Variants in SNTG1 observed in about 807,000 individuals in gnomAD.
The protein encoded by SNTG1 is syntrophin gamma 1, also known as gamma-1-syntrophin.
In SNTG1, 39 loss-of-function variants were observed where a neutral mutation model predicts 74.7. That is an observed-to-expected ratio of 0.52 (90% CI 0.40 to 0.68). The LOEUF (loss-of-function observed/expected upper bound fraction) is 0.68, where lower values mean the gene tolerates loss of function less well. SNTG1 is among the 30% of genes least tolerant of loss of function. The pLI, the probability that SNTG1 is intolerant of heterozygous loss-of-function variation, is 0.00. For synonymous variants in SNTG1, 254 were observed against 217.1 expected, an observed-to-expected ratio of 1.17 and a Z score of -1.49; for missense variants, 685 against 609.5, an observed-to-expected ratio of 1.12 and a Z score of -1.30.
At chr8:50,484,512 A>G (rs2093773437) in intron 8 of SNTG1, among the ~76,000 whole-genome samples, 1 of 151,074 alleles carries the variant, frequency 6.6e-6, no homozygotes, top group African/African-American at 2.4e-5. Flanking sequence ...TCCATGCCCA[A>G]CCTGGATTTT....
chr8:50,222,979 G>A (rs868802400), intron 2 of SNTG1, among the ~76,000 whole-genome samples: 2 of 152,088 alleles, frequency 1.3e-5, no homozygotes, highest in African/African-American at 4.8e-5. Context: ...ATCAGAGAAA[G>A]AATAGTCAAT....
chr8:50,558,831 T>A (rs949161443), intron 12 of SNTG1, among the ~76,000 whole-genome samples: 2 of 152,156 alleles, frequency 1.3e-5, no homozygotes, highest in Non-Finnish European at 2.9e-5. Flanking sequence ...TAAAGAAAAT[T>A]CAACAAAATA....
chr8:50,773,422 A>C (rs2131795886), intron 18 of SNTG1, among the ~76,000 whole-genome samples: 1 of 152,178 alleles, frequency 6.6e-6, no homozygotes, highest in East Asian at 1.9e-4. Flanking sequence ...GTAAAGACTT[A>C]GAAAGAGTTG....
At chr8:49,919,235 A>C (rs952180237) in intron 1 of SNTG1, among the ~76,000 whole-genome samples, 3 of 152,096 alleles carry the variant, frequency 2.0e-5, no homozygotes, top group Non-Finnish European at 4.4e-5. Context: ...CAGTAGATGT[A>C]CTGGGATTGA....
In SNTG1 at chr8:50,124,991, A is replaced by G. The variant is rs111961612; in HGVS notation, c.-102-47570A>G. Among the ~76,000 whole-genome samples the G allele has an allele frequency of 2.5e-3, 355 of 142,160 alleles. 43 individuals carry two copies. The highest frequency in any genetic ancestry group is 8.7e-3 in the African/African-American group (344 of 39,446). The allele number at this position is 142,160 out of a possible 152,430, so 93.3% of individuals were successfully genotyped here. ...GGCATACCCTCTCATAAATGTTACT[A>G]TAAGATAGTTACTTATCTATGGATA... On this transcript the variant is annotated intron_variant, in intron 1 of 18. Transcript: ENST00000642720.
At chr8:50,724,137 A>G (rs919453299) in intron 17 of SNTG1, among the ~76,000 whole-genome samples, 1 of 152,170 alleles carries the variant, frequency 6.6e-6, no homozygotes, top group Admixed American at 6.5e-5. Flanking sequence ...TGTATTTAAC[A>G]TTTGCTTTGT....
intron 1 of SNTG1, among the ~76,000 whole-genome samples, chr8:50,060,894 T>C (rs1820416951): frequency 6.6e-6 from 1 of 152,192 alleles, no homozygotes; most frequent in African/African-American, 2.4e-5. Flanking sequence ...CAGCAATCCC[T>C]GGAATAAATC....
chr8:50,437,381 C>A (rs1268218903), intron 4 of SNTG1, among the ~76,000 whole-genome samples: 1 of 152,028 alleles, frequency 6.6e-6, no homozygotes, highest in Admixed American at 6.6e-5. Context: ...AAACTTTTGG[C>A]TAAACAAGGA....
chr8:50,245,681 TCAAA>T (rs961799315), intron 2 of SNTG1, among the ~76,000 whole-genome samples: 5 of 151,900 alleles, frequency 3.3e-5, no homozygotes, highest in East Asian at 1.9e-4. Flanking sequence ...AGAGTCCATC[TCAAA>T]CAAACAAACA....
chr8:50,734,112 A>C (rs941780917), intron 17 of SNTG1, among the ~76,000 whole-genome samples: 7 of 151,756 alleles, frequency 4.6e-5, no homozygotes, highest in Non-Finnish European at 7.4e-5. Context: ...TGCCCCAAAT[A>C]GTTTTATTGT....
At chr8:50,288,377 T>C (rs981342547) in intron 2 of SNTG1, among the ~76,000 whole-genome samples, 6 of 152,206 alleles carry the variant, frequency 3.9e-5, no homozygotes, top group Non-Finnish European at 8.8e-5. Context: ...GTTGATTTAC[T>C]GGTCTAATTG....
chr8:50,335,571 A>G (rs2091112598), intron 2 of SNTG1, among the ~76,000 whole-genome samples: 1 of 152,028 alleles, frequency 6.6e-6, no homozygotes, highest in South Asian at 2.1e-4. Flanking sequence ...ATATCTCAAA[A>G]CCAGTATGGT....
chr8:50,028,827 C>T (rs951836142), intron 1 of SNTG1, among the ~76,000 whole-genome samples: 2 of 152,040 alleles, frequency 1.3e-5, no homozygotes, highest in South Asian at 4.1e-4. Flanking sequence ...CAATACATTG[C>T]GTCATAAGAT....
chr8:50,165,718 A>G (rs2082590545), intron 1 of SNTG1, among the ~76,000 whole-genome samples: 1 of 152,168 alleles, frequency 6.6e-6, no homozygotes, highest in Non-Finnish European at 1.5e-5. Context: ...CTGGATTGGA[A>G]AACCTTAGTG....
At chr8:50,025,373 G>A (rs1817178424) in intron 1 of SNTG1, among the ~76,000 whole-genome samples, 1 of 151,980 alleles carries the variant, frequency 6.6e-6, no homozygotes, top group African/African-American at 2.4e-5. Flanking sequence ...GCATTCAATT[G>A]TGTCTGCCAA....
At position 50,172,584 on chromosome 8, in the gene SNTG1, T is replaced by A. The variant is rs2082845754; in HGVS notation, c.-79T>A. ...AGACTGCTCTCCAGAATGTTGAGAT[T>A]GCCCGAGAAGTGACCCCAGCAAAAG... is the stretch of plus-strand genomic sequence containing the variant. On this transcript the variant is annotated 5_prime_UTR_variant, in exon 2 of 19. The change creates a premature stop within an existing upstream ORF in the 5' untranslated region. Transcript: ENST00000642720. 6.6e-6 allele frequency: 1 copy of A among 152,138 alleles called. No homozygotes were observed. The highest frequency in any genetic ancestry group is 6.6e-5 in the Admixed American group (1 of 15,260). The allele number at this position is 152,138 out of a possible 1,614,324, so 9.4% of individuals were successfully genotyped here.
Position 50,018,848 on chromosome 8 carries a change from G to A in SNTG1, c.-103+106617G>A, listed in dbSNP as rs75963440. Among the ~76,000 whole-genome samples the A allele has an allele frequency of 4.0e-3, 602 of 152,136 alleles. 8 individuals carry two copies. The highest frequency in any genetic ancestry group is 0.012 in the African/African-American group (502 of 41,560). On this transcript the variant is annotated intron_variant, in intron 1 of 18. Transcript: ENST00000642720. ...AAAAATAACAAGTGTTGGCCAAGAT[G>A]TGGAGACATTGGATCCTTTGTACAT... is the stretch of plus-strand genomic sequence containing the variant.
At chr8:50,689,345 G>A (rs1360886511) in intron 15 of SNTG1, among the ~76,000 whole-genome samples, 1 of 152,164 alleles carries the variant, frequency 6.6e-6, no homozygotes, top group African/African-American at 2.4e-5. Context: ...CAAAGGGAAT[G>A]CTTGAAGTTT....
intron 2 of SNTG1, among the ~76,000 whole-genome samples, chr8:50,285,356 G>A (rs1461417469): frequency 6.6e-6 from 1 of 152,058 alleles, no homozygotes; most frequent in Admixed American, 6.6e-5. Context: ...CAAGTATATG[G>A]TGTTTTGTTT....
Sources: gnomAD v4.1 joint callset for allele counts (sites outside exome capture counted in the v4.1 genomes callset) on GRCh38, gnomAD v4.1.1 for gene constraint, MANE v1.5 for transcripts, NCBI Gene and HGNC (gene_info 2026-07-23, HGNC 2026-07-21) for gene names.